Variants in BICRA observed in about 807,000 individuals in gnomAD.
The protein encoded by BICRA is BRD4 interacting chromatin remodeling complex associated protein.
A neutral mutation model predicts 96.9 loss-of-function variants in BICRA; 31 were observed. The observed-to-expected ratio is 0.32, with a 90% CI of 0.24 to 0.43. The LOEUF is 0.43. Among genes scored for constraint, BICRA ranks in the 20% least tolerant of loss-of-function variants. BICRA has a pLI of 1.00. For missense variants in BICRA, 2,283 were observed against 2,190.3 expected (o/e 1.04, Z -0.84); for synonymous variants, 1,350 against 1,071.8 (o/e 1.26, Z -5.07).
At chr19:47,678,306 G>A (rs1172462028) in intron 5 of BICRA, among the ~76,000 whole-genome samples, 1 of 152,114 alleles carries the variant, frequency 6.6e-6, no homozygotes, top group Non-Finnish European at 1.5e-5. Flanking sequence ...AGTAGAGATG[G>A]TGTTTCACCA....
Position 47,680,895 on chromosome 19 carries a change from C to T in BICRA, c.1725C>T (p.Ala575=), listed in dbSNP as rs755798126. The change falls in exon 6 of 15, where the codon GCC becomes GCT. Residue 575 remains alanine, a synonymous_variant. Coordinates refer to ENST00000594866, the MANE Select transcript of BICRA (RefSeq NM_001394372.1). The stretch of plus-strand genomic sequence containing the variant: ...CCACGCAGAGCCAGCCAGCGCCCGC[C>T]GGGCCGGCCGCCACCACTGTCCTCC... ...SLPTQSQPAP[A]GPAATTVLQG... is the part of the protein sequence containing the mutation. The T allele has an allele frequency of 4.0e-6, 6 of 1,484,860 alleles. No homozygotes were observed. Among genetic ancestry groups the T allele is most frequent in the African/African-American group, 2.9e-5 (2 of 69,510 alleles). 92.0% of individuals were successfully genotyped at this position (1,484,860 alleles called of 1,614,324 possible).
intron 1 of BICRA, among the ~76,000 whole-genome samples, chr19:47,668,803 CTTA>C (rs1255363725): frequency 6.6e-6 from 1 of 151,866 alleles, no homozygotes; most frequent in Non-Finnish European, 1.5e-5. Flanking sequence ...CTTTGTGCTT[CTTA>C]TTGGTGATTT....
At chr19:47,687,694 G>A (rs1245305828) in intron 7 of BICRA, among the ~76,000 whole-genome samples, 1 of 151,988 alleles carries the variant, frequency 6.6e-6, no homozygotes, top group Non-Finnish European at 1.5e-5. Context: ...TATGCTACTT[G>A]GGAGGCTGAG....
intron 1 of BICRA, among the ~76,000 whole-genome samples, chr19:47,637,313 G>T (rs1277566621): frequency 2.0e-5 from 3 of 151,908 alleles, no homozygotes; most frequent in Admixed American, 6.6e-5. Flanking sequence ...TAGAGACAGG[G>T]TTTCACCATG....
chr19:47,614,690 G>A (rs540512225), intron 1 of BICRA, among the ~76,000 whole-genome samples: 1 of 152,312 alleles, frequency 6.6e-6, no homozygotes. Flanking sequence ...TCTATGCATT[G>A]CTTTTTTTCC....
chr19:47,681,078 C>A lies in BICRA; in HGVS notation c.1908C>A (p.Pro636=). 6.9e-7 allele frequency: 1 copy of A among 1,444,130 alleles called. No individual in the cohort carries two copies. The allele number at this position is 1,444,130 out of a possible 1,614,324, so 89.5% of individuals were successfully genotyped here. Residue 636 remains proline, a synonymous_variant, in exon 6 of 15, where the codon CCC becomes CCA. Transcript: ENST00000594866. ...QAPPAVSTPL[P]LGLQQPQAQQ... The stretch of plus-strand genomic sequence containing the variant: ...CCCCCGCGGTCAGCACACCCCTGCC[C>A]CTGGGCCTCCAGCAGCCGCAGGCGC...
chr19:47,699,160 C>G lies in BICRA; in HGVS notation c.3492+101C>G. 1 of 981,966 alleles carries G rather than the reference C, an allele frequency of 1.0e-6. No homozygotes were observed. Among genetic ancestry groups the G allele is most frequent in the Non-Finnish European group, 1.6e-6 (1 of 632,752 alleles). The allele number at this position is 981,966 out of a possible 1,614,324, so 60.8% of individuals were successfully genotyped here. On this transcript the variant is annotated intron_variant, in intron 13 of 14. Coordinates refer to ENST00000594866, the MANE Select transcript of BICRA (RefSeq NM_001394372.1). The surrounding 1 kb of genome is among the most constrained non-coding windows in gnomAD (Gnocchi z 5.0). ...GGCAAGGTGGAGCCTCCCGCCCCTC[C>G]TAGCCCCGGGAGGGAGGTTGGGAGG...
intron 1 of BICRA, among the ~76,000 whole-genome samples, chr19:47,638,613 TCACACA>T (rs34512769): frequency 1.3e-5 from 2 of 149,830 alleles, no homozygotes; most frequent in African/African-American, 2.5e-5. Context: ...TCTCTCTCTG[TCACACA>T]CACACACACA....
intron 1 of BICRA, among the ~76,000 whole-genome samples, chr19:47,650,594 G>T (rs1308696535): frequency 6.6e-6 from 1 of 152,184 alleles, no homozygotes; most frequent in African/African-American, 2.4e-5. Flanking sequence ...AAGGTGCAAT[G>T]ATTTTTGCAC....
In BICRA at chr19:47,694,968, C is replaced by T; in HGVS notation, c.2964C>T (p.Ser988=). ...CTGCCGCCCCGCAGACCTCCACCAGCCTGGGGCCCCTCACCAGCCCCGCTG... is the reference window on the plus strand; with the variant it reads ...CTGCCGCCCCGCAGACCTCCACCAGTCTGGGGCCCCTCACCAGCCCCGCTG... ...GAPAAPQTST[S]LGPLTSPAAS... The change falls in exon 9 of 15, where the codon AGC becomes AGT. Residue 988 remains serine (S), a synonymous_variant. Coordinates refer to ENST00000594866, the MANE Select transcript of BICRA (RefSeq NM_001394372.1). 1 of 1,557,294 alleles carries T rather than the reference C, an allele frequency of 6.4e-7. No homozygotes were observed. The highest frequency in any genetic ancestry group is 8.6e-7 in the Non-Finnish European group (1 of 1,158,864).
At chr19:47,608,525 A>C (rs1325016381), upstream of BICRA, 1 of 152,118 alleles carries the variant, frequency 6.6e-6, no homozygotes, top group Non-Finnish European at 1.5e-5. Flanking sequence ...CCCAGGACGC[A>C]CGGCGCCCCC....
intron 1 of BICRA, among the ~76,000 whole-genome samples, chr19:47,654,515 T>A (rs930992474): frequency 6.6e-6 from 1 of 151,978 alleles, no homozygotes; most frequent in Non-Finnish European, 1.5e-5. Flanking sequence ...GGAGTCTCGT[T>A]CTGTCACCCA....
intron 1 of BICRA, among the ~76,000 whole-genome samples, chr19:47,656,155 C>T (rs1307690317): frequency 4.0e-5 from 6 of 151,626 alleles, no homozygotes; most frequent in Admixed American, 6.6e-5. Flanking sequence ...AGCGTGATGG[C>T]GCACACCTAA....
At chr19:47,672,880 C>T (rs549683175) in intron 2 of BICRA, among the ~76,000 whole-genome samples, 64 of 152,186 alleles carry the variant, frequency 4.2e-4, no homozygotes, top group Non-Finnish European at 5.9e-4. Context: ...AGCCTTGCCC[C>T]GGTGGCTTCT....
chr19:47,687,273 G>A (rs1223729670), intron 7 of BICRA, among the ~76,000 whole-genome samples: 1 of 152,024 alleles, frequency 6.6e-6, no homozygotes, highest in East Asian at 1.9e-4. Flanking sequence ...ACTGAAATTG[G>A]AATTTCATGT....
chr19:47,641,214 C>T (rs1336523699), intron 1 of BICRA, among the ~76,000 whole-genome samples: 6 of 151,838 alleles, frequency 4.0e-5, no homozygotes, highest in Non-Finnish European at 8.8e-5. Flanking sequence ...GCCACCGCAC[C>T]TGGCCAGTTT....
intron 1 of BICRA, among the ~76,000 whole-genome samples, chr19:47,655,267 T>A (rs1265893168): frequency 6.6e-6 from 1 of 152,172 alleles, no homozygotes; most frequent in Non-Finnish European, 1.5e-5. Context: ...GGCTCTCACC[T>A]GTAATCCCAG....
At chr19:47,666,630 G>A (rs1195832659) in intron 1 of BICRA, among the ~76,000 whole-genome samples, 2 of 151,812 alleles carry the variant, frequency 1.3e-5, no homozygotes, top group Non-Finnish European at 2.9e-5. Flanking sequence ...GGAGTGTGGT[G>A]GTGCAATCTT....
upstream of BICRA, among the ~76,000 whole-genome samples, chr19:47,608,608 C>A (rs1011592005): frequency 2.0e-5 from 3 of 152,046 alleles, no homozygotes; most frequent in Non-Finnish European, 4.4e-5. Context: ...CGGATCAGGG[C>A]TCGAGGCAGT....
Sources: gnomAD v4.1 joint callset for allele counts (sites outside exome capture counted in the v4.1 genomes callset) on GRCh38, gnomAD v4.1.1 for gene constraint, Gnocchi (gnomAD v3.1) non-coding constraint, MANE v1.5 for transcripts, NCBI Gene and HGNC (gene_info 2026-07-23, HGNC 2026-07-21) for gene names.